Variants in UNC5D observed in about 807,000 individuals in gnomAD.
UNC5D encodes unc-5 netrin receptor D, also known as netrin receptor UNC5D.
Under a neutral mutation model 105.4 loss-of-function variants are expected in UNC5D, and 39 were observed. The ratio of observed to expected loss-of-function variants is 0.37; its 90% CI spans 0.29 to 0.48. The LOEUF (loss-of-function observed/expected upper bound fraction) is 0.48, where lower values mean the gene tolerates loss of function less well. Among genes scored for constraint, UNC5D ranks in the 20% least tolerant of loss-of-function variants. The probability of loss-of-function intolerance (pLI) is 0.98; values close to 1 mark genes in which losing one functional copy is unlikely to be tolerated. For missense variants in UNC5D, 991 were observed against 1,202.4 expected (o/e 0.82, Z 2.60); for synonymous variants, 452 against 450.4 (o/e 1.00, Z -0.04).
chr8:35,463,451 G>A (rs1469129320), intron 1 of UNC5D, among the ~76,000 whole-genome samples: 1 of 152,082 alleles, frequency 6.6e-6, no homozygotes, highest in East Asian at 1.9e-4. Context: ...ACCTGAGTTT[G>A]CCCCTTCCGC....
chr8:35,371,224 G>A (rs1802411925), intron 1 of UNC5D, among the ~76,000 whole-genome samples: 2 of 151,988 alleles, frequency 1.3e-5, no homozygotes, highest in South Asian at 4.2e-4. Context: ...AGATAGCAAA[G>A]ATGGAGAACA....
At position 35,549,466 on chromosome 8, in the gene UNC5D, A is replaced by T; in HGVS notation, c.278A>T (p.His93Leu). 6.2e-7 allele frequency: 1 copy of T among 1,612,562 alleles called. No homozygotes were observed. The highest frequency in any genetic ancestry group is 8.5e-7 in the Non-Finnish European group (1 of 1,179,944). The stretch of plus-strand genomic sequence containing the variant: ...TTCAAATGCAACGGCGAGTGGGTCC[A>T]TCAGAACGAGCACGTCTCTGAAGAG... ...IFFKCNGEWV[H>L]QNEHVSEETL... The change falls in exon 2 of 17, where the codon CAT becomes CTT. Residue 93 changes from histidine to leucine, a missense_variant. Transcript: ENST00000404895.
At chr8:35,627,052 TCTA>T (rs1352180306) in intron 4 of UNC5D, among the ~76,000 whole-genome samples, 8 of 152,188 alleles carry the variant, frequency 5.3e-5, no homozygotes, top group African/African-American at 1.9e-4. Context: ...CCAACACCCA[TCTA>T]CTAAGAAATG....
intron 8 of UNC5D, among the ~76,000 whole-genome samples, chr8:35,713,043 T>A (rs1828050026): frequency 6.6e-6 from 1 of 151,316 alleles, no homozygotes; most frequent in African/African-American, 2.5e-5. Flanking sequence ...GCAACATTTG[T>A]ATTTTTTTTT....
chr8:35,702,432 C>T (rs1423687552), intron 7 of UNC5D, among the ~76,000 whole-genome samples: 1 of 151,972 alleles, frequency 6.6e-6, no homozygotes, highest in East Asian at 1.9e-4. Flanking sequence ...CCAGGTGATT[C>T]TAATATGCAG....
At chr8:35,301,402 T>G (rs1919343) in intron 1 of UNC5D, among the ~76,000 whole-genome samples, 124,660 of 152,070 alleles carry the variant, frequency 0.82, 51,556 homozygotes, top group East Asian at 1. Context: ...ACAGAGGTTA[T>G]CTAAGCAAAA....
At chr8:35,571,934 A>G (rs1817749433) in intron 3 of UNC5D, among the ~76,000 whole-genome samples, 1 of 152,178 alleles carries the variant, frequency 6.6e-6, no homozygotes, top group Non-Finnish European at 1.5e-5. Context: ...GGAGTTCACC[A>G]TCAGAGCTCC....
chr8:35,540,124 C>T (rs1815159957), intron 1 of UNC5D, among the ~76,000 whole-genome samples: 1 of 152,168 alleles, frequency 6.6e-6, no homozygotes, highest in Admixed American at 6.5e-5. Context: ...TTTCCCAAAT[C>T]CCACTAGGTT....
intron 1 of UNC5D, among the ~76,000 whole-genome samples, chr8:35,356,238 A>G (rs552321266): frequency 2.0e-5 from 3 of 152,262 alleles, no homozygotes; most frequent in South Asian, 4.1e-4. Context: ...TTAGTGCTCC[A>G]TATATTAGCT....
In UNC5D at chr8:35,645,529, G is replaced by C. The variant is rs578231474; in HGVS notation, c.571-38018G>C. 4.2e-5 allele frequency among the ~76,000 whole-genome samples: 6 copies of C among 142,220 alleles called. No individual in the cohort carries two copies. The South Asian group carries it at 8.8e-4, about 21-fold the overall frequency. 93.3% of individuals were successfully genotyped at this position (142,220 alleles called of 152,430 possible). ...TCTATCGTATATATGTGTGTGTGCT[G>C]TGTGTGTGTGTGTGTGTGTGTGTGT... On this transcript the variant is annotated intron_variant, in intron 4 of 16. Coordinates refer to ENST00000404895, the MANE Select transcript of UNC5D (RefSeq NM_080872.4).
intron 1 of UNC5D, among the ~76,000 whole-genome samples, chr8:35,238,325 A>T (rs1160839909): frequency 6.6e-6 from 1 of 152,132 alleles, no homozygotes; most frequent in African/African-American, 2.4e-5. Context: ...AATATACTCT[A>T]GGAGGAAGAC....
chr8:35,502,953 C>G (rs1431774428), intron 1 of UNC5D, among the ~76,000 whole-genome samples: 1 of 152,134 alleles, frequency 6.6e-6, no homozygotes, highest in Non-Finnish European at 1.5e-5. Flanking sequence ...TGCTCAAGCT[C>G]CTTGCTACTC....
At chr8:35,565,030 A>T (rs972587293) in intron 2 of UNC5D, among the ~76,000 whole-genome samples, 6 of 152,156 alleles carry the variant, frequency 3.9e-5, no homozygotes, top group African/African-American at 1.4e-4. Flanking sequence ...CTTTGCAATT[A>T]TGAATTGTAG....
chr8:35,330,042 A>C (rs1172368544), intron 1 of UNC5D, among the ~76,000 whole-genome samples: 1 of 152,196 alleles, frequency 6.6e-6, no homozygotes, highest in Non-Finnish European at 1.5e-5. Context: ...CAAAGGAGAA[A>C]ACTAAATAAT....
intron 1 of UNC5D, among the ~76,000 whole-genome samples, chr8:35,301,128 T>C (rs1217085640): frequency 6.6e-6 from 1 of 152,140 alleles, no homozygotes; most frequent in Non-Finnish European, 1.5e-5. Flanking sequence ...AAGAAATTAC[T>C]GATTCCAGAG....
At chr8:35,625,943 GCT>G (rs1317701049) in intron 4 of UNC5D, among the ~76,000 whole-genome samples, 1 of 152,302 alleles carries the variant, frequency 6.6e-6, no homozygotes, top group Non-Finnish European at 1.5e-5. Context: ...TGCTGCTGCT[GCT>G]CTCTGAAACC....
intron 1 of UNC5D, among the ~76,000 whole-genome samples, chr8:35,508,490 A>G (rs373157774): frequency 3.9e-5 from 6 of 152,226 alleles, no homozygotes; most frequent in African/African-American, 1.4e-4. Context: ...GATCACTTGC[A>G]TCAAGCTACC....
At chr8:35,439,328 T>A (rs1227834418) in intron 1 of UNC5D, among the ~76,000 whole-genome samples, 2 of 152,056 alleles carry the variant, frequency 1.3e-5, no homozygotes, top group Non-Finnish European at 2.9e-5. Context: ...AAATTTGGGA[T>A]GTTCTCCGTT....
chr8:35,637,194 C>G (rs1471053111), intron 4 of UNC5D, among the ~76,000 whole-genome samples: 1 of 152,120 alleles, frequency 6.6e-6, no homozygotes, highest in African/African-American at 2.4e-5. Flanking sequence ...CAGGTTTGTA[C>G]TCTGAGAAAT....
Sources: gnomAD v4.1 joint callset for allele counts (sites outside exome capture counted in the v4.1 genomes callset) on GRCh38, gnomAD v4.1.1 for gene constraint, MANE v1.5 for transcripts, NCBI Gene and HGNC (gene_info 2026-07-23, HGNC 2026-07-21) for gene names.